The following SPAG16 variants were observed in gnomAD, a reference collection of about 807,000 sequenced individuals.
SPAG16 encodes sperm-associated antigen 16 protein.
Under a neutral mutation model 80.4 loss-of-function variants are expected in SPAG16, and 86 were observed. The observed-to-expected ratio is 1.07, with a 90% CI of 0.90 to 1.28. SPAG16 has a LOEUF of 1.28. Ranked by LOEUF, SPAG16 falls within the 50% of genes most tolerant of loss-of-function variation. The probability of loss-of-function intolerance (pLI) is 0.00; values close to 1 mark genes in which losing one functional copy is unlikely to be tolerated. For missense variants in SPAG16, 870 were observed against 765.3 expected (o/e 1.14, Z -1.61); for synonymous variants, 294 against 265.9 (o/e 1.11, Z -1.03).
intron 10 of SPAG16, among the ~76,000 whole-genome samples, chr2:213,773,461 T>G (rs759900931): frequency 1.3e-5 from 2 of 152,236 alleles, no homozygotes; most frequent in Non-Finnish European, 2.9e-5. Flanking sequence ...CCATCACCTT[T>G]CCTGCATCAG....
chr2:213,786,002 C>T (rs1448624719), intron 10 of SPAG16, among the ~76,000 whole-genome samples: 1 of 150,160 alleles, frequency 6.7e-6, no homozygotes, highest in Non-Finnish European at 1.5e-5. Flanking sequence ...AGCAAAACTC[C>T]GTCTAAAAAA....
At chr2:214,143,234 GTTTTTT>G (rs59910884) in intron 14 of SPAG16, among the ~76,000 whole-genome samples, 1 of 112,670 alleles carries the variant, frequency 8.9e-6, no homozygotes, top group South Asian at 2.7e-4. Context: ...ATAGTTTTGG[GTTTTTT>G]TTTTTTTTTT....
intron 15 of SPAG16, among the ~76,000 whole-genome samples, chr2:214,383,796 G>A (rs1171057035): frequency 6.6e-6 from 1 of 152,088 alleles, no homozygotes; most frequent in African/African-American, 2.4e-5. Flanking sequence ...CAAAAGACAA[G>A]TGATGACATG....
intron 15 of SPAG16, among the ~76,000 whole-genome samples, chr2:214,339,582 C>T (rs1697524941): frequency 6.6e-6 from 1 of 152,124 alleles, no homozygotes; most frequent in Non-Finnish European, 1.5e-5. Flanking sequence ...CTATTTCAGC[C>T]AAACAAAGCT....
At position 214,007,112 on chromosome 2, in the gene SPAG16, A is replaced by G. The variant is rs76524714; in HGVS notation, c.1401-6839A>G. Among the ~76,000 whole-genome samples, 957 of 152,340 alleles carry G rather than the reference A, an allele frequency of 6.3e-3. 7 individuals are homozygous for G. Among genetic ancestry groups the G allele is most frequent in the African/African-American group, 0.022 (919 of 41,574 alleles). ...ACTAGATTATAAATTCTCTGTGTAT[A>G]TACATTTGTTAGATTATCATTGTAA... On this transcript the variant is annotated intron_variant, in intron 12 of 15. Coordinates refer to ENST00000331683, the MANE Select transcript of SPAG16 (RefSeq NM_024532.5).
At chr2:213,521,659 C>G (rs897644273) in intron 10 of SPAG16, among the ~76,000 whole-genome samples, 1 of 152,166 alleles carries the variant, frequency 6.6e-6, no homozygotes, top group Non-Finnish European at 1.5e-5. Context: ...CCTAATCTCC[C>G]TGCTGGTGTT....
At chr2:213,773,592 G>A (rs949108750) in intron 10 of SPAG16, among the ~76,000 whole-genome samples, 8 of 151,810 alleles carry the variant, frequency 5.3e-5, no homozygotes, top group South Asian at 2.1e-4. Flanking sequence ...TTTCTCTGTC[G>A]CCCAGGATGG....
chr2:213,903,066 G>A (rs1201177139), intron 11 of SPAG16, among the ~76,000 whole-genome samples: 1 of 152,146 alleles, frequency 6.6e-6, no homozygotes, highest in Non-Finnish European at 1.5e-5. Flanking sequence ...GGCTTTGCAG[G>A]GTACAGCCTC....
At chr2:214,026,239 CATATT>C (rs148285124) in intron 13 of SPAG16, among the ~76,000 whole-genome samples, 3,398 of 151,304 alleles carry the variant, frequency 0.022, 60 homozygotes, top group Non-Finnish European at 0.037. Context: ...TATACATACA[CATATT>C]ATATTATATA....
At chr2:214,151,889 A>G (rs966070390) in intron 15 of SPAG16, among the ~76,000 whole-genome samples, 1 of 152,230 alleles carries the variant, frequency 6.6e-6, no homozygotes, top group Non-Finnish European at 1.5e-5. Context: ...GATATTTCAT[A>G]TAAGGAATGT....
At chr2:213,335,502 A>C (rs73987979) in intron 5 of SPAG16, among the ~76,000 whole-genome samples, 11,315 of 152,270 alleles carry the variant, frequency 0.074, 1,383 homozygotes, top group African/African-American at 0.25. Context: ...ATAACAAATT[A>C]GAAAAGATAA....
At chr2:213,715,188 G>A (rs142499489) in intron 10 of SPAG16, among the ~76,000 whole-genome samples, 2 of 149,546 alleles carry the variant, frequency 1.3e-5, no homozygotes, top group East Asian at 3.9e-4. Flanking sequence ...AAAGTGGGAT[G>A]GATGGAAAAG....
intron 13 of SPAG16, among the ~76,000 whole-genome samples, chr2:214,056,029 T>G (rs1227904326): frequency 6.6e-6 from 1 of 152,170 alleles, no homozygotes; most frequent in Non-Finnish European, 1.5e-5. Flanking sequence ...CCCTGGTTGG[T>G]GTTCAGATAA....
chr2:213,669,667 A>G (rs978571501), intron 10 of SPAG16, among the ~76,000 whole-genome samples: 2 of 152,204 alleles, frequency 1.3e-5, no homozygotes, highest in African/African-American at 4.8e-5. Context: ...TATGGTTTTC[A>G]CATTGGGAGT....
intron 6 of SPAG16, among the ~76,000 whole-genome samples, chr2:213,348,613 A>G (rs2065140285): frequency 6.6e-6 from 1 of 151,976 alleles, no homozygotes; most frequent in Non-Finnish European, 1.5e-5. Context: ...TCTGTAAAGG[A>G]TTTTATTTCT....
intron 10 of SPAG16, among the ~76,000 whole-genome samples, chr2:213,522,658 G>T (rs1030262934): frequency 2.0e-5 from 3 of 152,042 alleles, no homozygotes; most frequent in Non-Finnish European, 4.4e-5. Context: ...CCCAACACTG[G>T]GCAGCAAATC....
intron 12 of SPAG16, among the ~76,000 whole-genome samples, chr2:213,960,124 A>G (rs1489491136): frequency 6.6e-6 from 1 of 151,856 alleles, no homozygotes; most frequent in African/African-American, 2.4e-5. Flanking sequence ...CTATCTTCAA[A>G]TTTGTTTCCT....
chr2:214,013,123 C>A (rs1369930794), intron 12 of SPAG16, among the ~76,000 whole-genome samples: 1 of 151,604 alleles, frequency 6.6e-6, no homozygotes, highest in Admixed American at 6.6e-5. Flanking sequence ...TTCCCAGGCT[C>A]CATCATCAAT....
At chr2:214,220,406 G>A (rs1040966051) in intron 15 of SPAG16, among the ~76,000 whole-genome samples, 1 of 151,990 alleles carries the variant, frequency 6.6e-6, no homozygotes, top group Non-Finnish European at 1.5e-5. Context: ...CTTACGACAC[G>A]GAAAAGCTTA....
Sources: allele counts gnomAD v4.1 joint callset (sites outside exome capture counted in the v4.1 genomes callset), GRCh38; gene constraint gnomAD v4.1.1; transcripts MANE v1.5; gene names NCBI Gene and HGNC (gene_info 2026-07-23, HGNC 2026-07-21).